SLIT3: variants seen among roughly 807,000 people sequenced by gnomAD.
The protein encoded by SLIT3 is slit homolog 3 protein.
A neutral mutation model predicts 184.0 loss-of-function variants in SLIT3; 68 were observed. The ratio of observed to expected loss-of-function variants is 0.37; its 90% CI spans 0.30 to 0.45. The LOEUF is 0.45. SLIT3 is among the 20% of genes least tolerant of loss of function. The pLI is 1.00. For synonymous variants in SLIT3, 831 were observed against 828.6 expected (o/e 1.00, Z -0.05); for missense variants, 1,707 against 2,026.0 (o/e 0.84, Z 3.02).
intron 4 of SLIT3, among the ~76,000 whole-genome samples, chr5:169,087,964 T>C (rs1033200673): frequency 3.3e-5 from 5 of 152,202 alleles, no homozygotes; most frequent in Admixed American, 6.5e-5. Flanking sequence ...TCCTCCGTTC[T>C]CTTTATCCTC....
chr5:168,940,590 T>C (rs1397684038), intron 4 of SLIT3, among the ~76,000 whole-genome samples: 3 of 152,242 alleles, frequency 2.0e-5, no homozygotes, highest in South Asian at 2.1e-4. Flanking sequence ...ATACCAACCA[T>C]TGTATTATGG....
chr5:168,849,354 T>A (rs1168460707), intron 5 of SLIT3, among the ~76,000 whole-genome samples: 1 of 152,230 alleles, frequency 6.6e-6, no homozygotes, highest in Non-Finnish European at 1.5e-5. Context: ...TCTGAGCTTC[T>A]GTTCATGTTC....
intron 20 of SLIT3, among the ~76,000 whole-genome samples, chr5:168,745,285 T>C (rs1223670884): frequency 6.6e-6 from 1 of 152,216 alleles, no homozygotes; most frequent in Non-Finnish European, 1.5e-5. Flanking sequence ...GGAAAGAAAT[T>C]GGTTTCTTGA....
chr5:169,029,649 C>G (rs1756952168), intron 4 of SLIT3, among the ~76,000 whole-genome samples: 1 of 152,240 alleles, frequency 6.6e-6, no homozygotes. Flanking sequence ...TAGTAACTTA[C>G]ATCTTCCTGT....
chr5:169,255,306 G>T (rs1252311899), intron 1 of SLIT3, among the ~76,000 whole-genome samples: 1 of 152,192 alleles, frequency 6.6e-6, no homozygotes, highest in Admixed American at 6.5e-5. Flanking sequence ...GGAAGGCATT[G>T]TTATCATAAG....
At chr5:169,027,122 T>C (rs1756860568) in intron 4 of SLIT3, among the ~76,000 whole-genome samples, 1 of 152,204 alleles carries the variant, frequency 6.6e-6, no homozygotes, top group African/African-American at 2.4e-5. Context: ...TGGTATAATA[T>C]TGCTCAAGTT....
chr5:169,160,285 C>T (rs1189159518), intron 4 of SLIT3, among the ~76,000 whole-genome samples: 1 of 152,190 alleles, frequency 6.6e-6, no homozygotes, highest in Non-Finnish European at 1.5e-5. Context: ...AATTACTGCT[C>T]AGAGAAGTTA....
intron 20 of SLIT3, among the ~76,000 whole-genome samples, chr5:168,732,954 A>G (rs911788011): frequency 6.6e-6 from 1 of 152,206 alleles, no homozygotes; most frequent in Admixed American, 6.5e-5. Context: ...TAGTAAAAAC[A>G]AAATTATAAA....
intron 4 of SLIT3, among the ~76,000 whole-genome samples, chr5:169,179,605 C>G (rs1389477104): frequency 4.0e-5 from 6 of 151,480 alleles, no homozygotes; most frequent in Non-Finnish European, 8.8e-5. Flanking sequence ...GGTGGGAGAC[C>G]CACTGTTGGA....
chr5:169,163,200 A>G (rs1301877783), intron 4 of SLIT3, among the ~76,000 whole-genome samples: 3 of 152,104 alleles, frequency 2.0e-5, no homozygotes, highest in African/African-American at 7.2e-5. Flanking sequence ...GTGTGCCTGT[A>G]ATCCCAGCTA....
chr5:168,907,700 A>G (rs1363020353), intron 4 of SLIT3, among the ~76,000 whole-genome samples: 2 of 152,004 alleles, frequency 1.3e-5, no homozygotes, highest in Non-Finnish European at 2.9e-5. Flanking sequence ...AGAAGCAATT[A>G]CCTGTAGTTT....
At position 169,111,909 on chromosome 5, in the gene SLIT3, T is replaced by C. The variant is rs560603424; in HGVS notation, c.413+81570A>G. On this transcript the variant is annotated intron_variant, in intron 4 of 35. Coordinates refer to ENST00000519560, the MANE Select transcript of SLIT3 (RefSeq NM_003062.4). The stretch of plus-strand genomic sequence containing the variant: ...GTACTAGATATCTGGGGGTGTCCTC[T>C]GCATCTTGGGTCTTCCCTATGTCTA... Among the ~76,000 whole-genome samples the C allele has an allele frequency of 2.7e-4, 41 of 152,340 alleles. No individual in the cohort carries two copies. The South Asian group carries it at 8.5e-3, about 32-fold the overall frequency.
intron 4 of SLIT3, chr5:169,038,138 G>A (rs891020367): frequency 2.0e-5 from 3 of 152,192 alleles, no homozygotes; most frequent in African/African-American, 7.2e-5. Flanking sequence ...TGCCTTAGTA[G>A]TGTCAAATGA....
intron 4 of SLIT3, chr5:169,037,631 T>G (rs1282842473): frequency 6.6e-6 from 1 of 152,248 alleles, no homozygotes; most frequent in African/African-American, 2.4e-5. Context: ...AGATGTTTAG[T>G]GCATGCCTGT....
chr5:168,889,745 T>G (rs55856457), intron 4 of SLIT3, among the ~76,000 whole-genome samples: 16,570 of 152,230 alleles, frequency 0.11, 1,205 homozygotes, highest in East Asian at 0.33. Context: ...AAGTGGATAG[T>G]CCTAAGTTTC....
chr5:168,986,693 C>T (rs1338732381), intron 4 of SLIT3, among the ~76,000 whole-genome samples: 4 of 152,148 alleles, frequency 2.6e-5, no homozygotes, highest in Admixed American at 6.5e-5. Context: ...GTCAGAAGGA[C>T]GTGGGTTCAC....
At chr5:168,828,889 G>A (rs1410933510) in intron 6 of SLIT3, among the ~76,000 whole-genome samples, 1 of 152,122 alleles carries the variant, frequency 6.6e-6, no homozygotes, top group African/African-American at 2.4e-5. Flanking sequence ...AAGTGTAGAG[G>A]GTAGTATACA....
intron 11 of SLIT3, among the ~76,000 whole-genome samples, chr5:168,786,469 T>A (rs1005757789): frequency 1.3e-5 from 2 of 152,152 alleles, no homozygotes; most frequent in Non-Finnish European, 2.9e-5. Context: ...GCATCTGGGG[T>A]CATCTCCAGA....
intron 3 of SLIT3, among the ~76,000 whole-genome samples, chr5:169,231,423 C>A (rs754564395): frequency 4.6e-5 from 7 of 152,114 alleles, no homozygotes; most frequent in Non-Finnish European, 1.0e-4. Flanking sequence ...ATTAGTTTTG[C>A]CTGCTTTTGA....
Sources: gnomAD v4.1 joint callset for allele counts (sites outside exome capture counted in the v4.1 genomes callset) on GRCh38, gnomAD v4.1.1 for gene constraint, MANE v1.5 for transcripts, NCBI Gene and HGNC (gene_info 2026-07-23, HGNC 2026-07-21) for gene names.